Variants in LZTS2 observed in about 807,000 individuals in gnomAD.
The protein encoded by LZTS2 is leucine zipper tumor suppressor 2, also known as leucine zipper putative tumor suppressor 2.
A neutral mutation model predicts 60.6 loss-of-function variants in LZTS2; 32 were observed. That is an observed-to-expected ratio of 0.53 (90% CI 0.40 to 0.71). The LOEUF is 0.71. Ranked by LOEUF, LZTS2 falls within the 30% of genes least tolerant of loss-of-function variation. The pLI is 0.00. For synonymous variants in LZTS2, 360 were observed against 393.1 expected (o/e 0.92, Z 1.00); for missense variants, 792 against 901.9 (o/e 0.88, Z 1.56).
intron 3 of LZTS2, among the ~76,000 whole-genome samples, chr10:101,005,922 A>G (rs1852173681): frequency 6.6e-6 from 1 of 152,210 alleles, no homozygotes; most frequent in Admixed American, 6.5e-5. Flanking sequence ...GCTTCCAGCC[A>G]GTAGTAAGAA....
chr10:101,002,731 G>T, exon 1 of LZTS2: 1 of 1,612,844 alleles, frequency 6.2e-7, no homozygotes, highest in Non-Finnish European at 8.5e-7. Flanking sequence ...CCTGCTACGG[G>T]GTGGCTATGA....
At chr10:101,002,565 G>A in exon 1 of LZTS2, 1 of 1,532,222 alleles carries the variant, frequency 6.5e-7, no homozygotes, top group Non-Finnish European at 8.8e-7. Context: ...CTCTGCCAGT[G>A]CCACTGGAGC....
At chr10:101,007,360 C>A (rs701836) in exon 4 of LZTS2, 364,312 of 1,412,228 alleles carry the variant, frequency 0.26, 50,233 homozygotes, top group East Asian at 0.56. Flanking sequence ...AAGATCAGAC[C>A]GCTCAAAGGT....
At chr10:101,006,541 G>A in exon 4 of LZTS2, 1 of 1,611,716 alleles carries the variant, frequency 6.2e-7, no homozygotes. Context: ...AAGAGTCTCA[G>A]GCAGAGCTGG....
exon 3 of LZTS2, chr10:101,005,519 C>T (rs368966948): frequency 2.0e-5 from 32 of 1,603,420 alleles, no homozygotes; most frequent in Middle Eastern, 3.3e-4. Context: ...GAGGACTGTG[C>T]GGCCCAGGCA....
chr10:100,997,545 C>T (rs1233322138), upstream of LZTS2, among the ~76,000 whole-genome samples: 1 of 147,792 alleles, frequency 6.8e-6, no homozygotes, highest in African/African-American at 2.5e-5. Context: ...GGACCCACAG[C>T]GGGCAGGGCA....
chr10:101,002,473 C>A, exon 1 of LZTS2: 1 of 1,463,470 alleles, frequency 6.8e-7, no homozygotes, highest in Non-Finnish European at 9.1e-7. Flanking sequence ...TGGAGGGACT[C>A]TGACACCACT....
exon 2 of LZTS2, chr10:101,003,766 A>T: frequency 1.2e-6 from 2 of 1,613,008 alleles, no homozygotes; most frequent in Non-Finnish European, 1.7e-6. Context: ...TCTGGCCGAA[A>T]CTCACTGTCC....
At chr10:101,005,784 C>G in intron 3 of LZTS2, 69 bp downstream of exon 4, 1 of 1,439,060 alleles carries the variant, frequency 6.9e-7, no homozygotes, top group South Asian at 1.4e-5. Flanking sequence ...GGGGCCCAGC[C>G]CCACCCTCCC....
intron 3 of LZTS2, 108 bp downstream of exon 4, chr10:101,005,823 C>T (rs1852169517): frequency 1.5e-6 from 2 of 1,357,092 alleles, no homozygotes; most frequent in South Asian, 1.5e-5. Context: ...AGGTCCTCCC[C>T]TTTCTCACCT....
chr10:101,004,130 G>C, exon 2 of LZTS2: 2 of 1,611,634 alleles, frequency 1.2e-6, no homozygotes, highest in Non-Finnish European at 1.7e-6. Context: ...AGCAGCTGCG[G>C]GACAGTCTGG....
exon 1 of LZTS2, chr10:100,999,775 G>A (rs2133960797): frequency 6.6e-6 from 1 of 150,814 alleles, no homozygotes; most frequent in South Asian, 1.8e-4. Context: ...GGCGGGGGCT[G>A]GCCAGGGCCG....
At chr10:101,003,782 G>C in exon 2 of LZTS2, 1 of 1,613,168 alleles carries the variant, frequency 6.2e-7, no homozygotes, top group Non-Finnish European at 8.5e-7. Flanking sequence ...TGTCCAGCCT[G>C]CCCACCTACA....
At chr10:101,005,858 C>T (rs1852170802) in intron 3 of LZTS2, 143 bp downstream of exon 4, 1 of 1,191,446 alleles carries the variant, frequency 8.4e-7, no homozygotes, top group Admixed American at 2.9e-5. Context: ...TCCCCTCTGT[C>T]CCTTTCTGGG....
intron 1 of LZTS2, 79 bp from the exon 3 acceptor site, chr10:101,003,428 A>G (rs1852089676): frequency 1.4e-6 from 2 of 1,437,068 alleles, no homozygotes; most frequent in South Asian, 3.0e-5. Context: ...GGGACCCAAG[A>G]CGGGAGGGCA....
chr10:101,007,503 GC>G, exon 4 of LZTS2: 1 of 1,379,086 alleles, frequency 7.3e-7, no homozygotes, highest in East Asian at 3.9e-5. Context: ...AGAAGAAGGG[GC>G]TCCCTCCTCT....
At chr10:100,997,063 C>T (rs956752279), upstream of LZTS2, 3 of 152,668 alleles carry the variant, frequency 2.0e-5, no homozygotes, top group Non-Finnish European at 2.9e-5. Flanking sequence ...CCCGCCCCGC[C>T]CCGCTCCACC....
Position 101,006,560 on chromosome 10 carries a change from G to A in LZTS2, c.1402G>A (p.Gly468Ser), listed in dbSNP as rs374528345. 88 of 1,611,388 alleles carry A rather than the reference G, an allele frequency of 5.5e-5. 1 individual carries two copies. Among genetic ancestry groups the A allele is most frequent in the Non-Finnish European group, 1.9e-5 (23 of 1,179,734 alleles). The change falls in exon 4 of 4, where the codon GGC becomes AGC. Residue 468 changes from glycine to serine, a missense_variant. Coordinates refer to ENST00000370220, the Ensembl canonical transcript of LZTS2. Reference sequence around the variant, plus strand: ...GTCTCAGGCAGAGCTGGTGCAGAAGGGCAGCGAGCTGGTGGCTCTGCGGGT... The same window carrying A: ...GTCTCAGGCAGAGCTGGTGCAGAAGAGCAGCGAGCTGGTGGCTCTGCGGGT...
chr10:101,002,532 T>G, exon 1 of LZTS2: 2 of 1,510,346 alleles, frequency 1.3e-6, no homozygotes, highest in Non-Finnish European at 1.8e-6. Context: ...CCTGAGCCTC[T>G]GCCACCATGG....
Sources: gnomAD v4.1 joint callset for allele counts (sites outside exome capture counted in the v4.1 genomes callset) on GRCh38, gnomAD v4.1.1 for gene constraint, MANE v1.5 for transcripts, NCBI Gene and HGNC (gene_info 2026-07-23, HGNC 2026-07-21) for gene names.